Variants in ADCY3 observed in about 807,000 individuals in gnomAD.
The protein encoded by ADCY3 is adenylate cyclase type 3.
In ADCY3, 70 loss-of-function variants were observed where a neutral mutation model predicts 119.4. That is an observed-to-expected ratio of 0.59 (90% CI 0.48 to 0.72). The LOEUF (loss-of-function observed/expected upper bound fraction) is 0.72. Among genes scored for constraint, ADCY3 ranks in the 30% least tolerant of loss-of-function variants. The pLI, the probability that ADCY3 is intolerant of heterozygous loss-of-function variation, is 0.00. For synonymous variants in ADCY3, 672 were observed against 621.4 expected (o/e 1.08, Z -1.21); for missense variants, 1,238 against 1,541.6 (o/e 0.80, Z 3.30).
Position 24,830,747 on chromosome 2 carries a change from C to T in ADCY3, c.2134G>A (p.Ala712Thr), listed in dbSNP as rs1285631837. The change falls in exon 13 of 22, where the codon GCC becomes ACC. Residue 712 changes from alanine (A) to threonine (T), a missense_variant. Around this residue, in one of 7 missense-constraint regions of ADCY3, gnomAD observed 499 missense variants for 571.0 expected, o/e 0.87. Coordinates refer to ENST00000679454, the MANE Select transcript of ADCY3 (RefSeq NM_004036.5). ...TTTGCCATCACCAGGATGAAGATGG[C>T]GAGCATGGCCCAGGTGTTCCTGGCC... ...RWARNTWAML[A>T]IFILVMANVV... 10 of 1,613,916 alleles carry T rather than the reference C, an allele frequency of 6.2e-6. No homozygotes were observed. The highest frequency in any genetic ancestry group is 2.2e-5 in the East Asian group (1 of 44,894).
At chr2:24,912,296 C>T (rs1203577246) in intron 2 of ADCY3, among the ~76,000 whole-genome samples, 1 of 142,162 alleles carries the variant, frequency 7.0e-6, no homozygotes, top group African/African-American at 2.6e-5. Context: ...AACTCTGTCT[C>T]TATTTGAAAA....
intron 21 of ADCY3, chr2:24,820,447 C>T (rs938640671): frequency 2.7e-5 from 35 of 1,315,156 alleles, no homozygotes; most frequent in Admixed American, 1.8e-4. Context: ...TTCTGCCAGA[C>T]GCCACTGAGA....
At chr2:24,893,062 C>T (rs1456932650) in intron 2 of ADCY3, among the ~76,000 whole-genome samples, 1 of 144,976 alleles carries the variant, frequency 6.9e-6, no homozygotes, top group Non-Finnish European at 1.5e-5. Context: ...GAGACTGGGC[C>T]TTGCTCTGTC....
intron 7 of ADCY3, among the ~76,000 whole-genome samples, chr2:24,839,545 A>G (rs2033651): frequency 1 from 152,304 of 152,334 alleles, 76,137 homozygotes; most frequent in Middle Eastern, 1. Context: ...CTGGGCTCTG[A>G]CATAAGGAGA....
chr2:24,820,469 G>C, intron 21 of ADCY3: 1 of 1,382,130 alleles, frequency 7.2e-7, no homozygotes, highest in Non-Finnish European at 9.3e-7. Context: ...AGATCACAAG[G>C]TATTAGAAGG....
At position 24,918,330 on chromosome 2, in the gene ADCY3, T is replaced by A. The variant is rs770709197; in HGVS notation, c.658A>T (p.Met220Leu). ...GGACTCACCTCCCGCAGCAGCTGCA[T>A]CCCCTTGAGCTCCTCCTGCTGCTGC... ...AQQQQEELKG[M>L]QLLREILANV... The change falls in exon 2 of 22, where the codon ATG becomes TTG. Residue 220 changes from methionine (M) to leucine (L), a missense_variant. Met to Leu is a conservative substitution (Grantham distance 15). Transcript: ENST00000679454. The surrounding 1 kb of genome is among the most constrained non-coding windows in gnomAD (Gnocchi z 5.4). 7.6e-6 allele frequency: 12 copies of A among 1,573,706 alleles called. No individual in the cohort carries two copies. The highest frequency in any genetic ancestry group is 1.2e-5 in the South Asian group (1 of 85,824).
intron 2 of ADCY3, among the ~76,000 whole-genome samples, chr2:24,905,361 CCT>C (rs945102543): frequency 6.6e-6 from 1 of 152,090 alleles, no homozygotes; most frequent in African/African-American, 2.4e-5. Flanking sequence ...GTCTTGATCC[CCT>C]GACCTCATGA....
Position 24,912,506 on chromosome 2 carries a change from G to T in ADCY3, c.675+5807C>A, listed in dbSNP as rs536804542. On this transcript the variant is annotated intron_variant, in intron 2 of 21. Coordinates refer to ENST00000679454, the MANE Select transcript of ADCY3 (RefSeq NM_004036.5). ...TCCCAGCCATTCCATCTGACGGAGG[G>T]TTTACCCAGAAGGCTGGGCAGACCA... is the stretch of plus-strand genomic sequence containing the variant. 4.6e-5 allele frequency among the ~76,000 whole-genome samples: 7 copies of T among 152,042 alleles called. No homozygotes were observed. The South Asian group carries it at 1.5e-3, about 32-fold the overall frequency.
At chr2:24,889,792 C>T (rs1046639887) in intron 2 of ADCY3, among the ~76,000 whole-genome samples, 7 of 152,210 alleles carry the variant, frequency 4.6e-5, no homozygotes, top group South Asian at 2.1e-4. Flanking sequence ...GCCAAGGTCG[C>T]GCCATTGCAC....
At chr2:24,854,819 G>A (rs886142803) in intron 3 of ADCY3, among the ~76,000 whole-genome samples, 1 of 152,108 alleles carries the variant, frequency 6.6e-6, no homozygotes, top group African/African-American at 2.4e-5. Context: ...GGAGGCTGAG[G>A]TGGGCGGATC....
intron 3 of ADCY3, among the ~76,000 whole-genome samples, chr2:24,864,877 G>T (rs983746498): frequency 6.6e-6 from 1 of 152,166 alleles, no homozygotes; most frequent in Non-Finnish European, 1.5e-5. Context: ...ATATTTTACA[G>T]TAGCTATATA....
intron 2 of ADCY3, among the ~76,000 whole-genome samples, chr2:24,880,351 G>C (rs981258183): frequency 2.0e-5 from 3 of 152,144 alleles, no homozygotes; most frequent in African/African-American, 7.2e-5. Context: ...GAACATGGCG[G>C]CCTTGGCCCC....
At chr2:24,866,354 C>T (rs150060085) in intron 3 of ADCY3, among the ~76,000 whole-genome samples, 4 of 152,150 alleles carry the variant, frequency 2.6e-5, no homozygotes, top group East Asian at 1.9e-4. Context: ...GGGAGGATTG[C>T]TTGAGGCCAG....
At chr2:24,830,388 G>A (rs1489582359) in intron 13 of ADCY3, among the ~76,000 whole-genome samples, 1 of 152,160 alleles carries the variant, frequency 6.6e-6, no homozygotes, top group Non-Finnish European at 1.5e-5. Context: ...GCAGATACTG[G>A]TACAACTGCT....
chr2:24,858,893 A>G (rs1056523682), intron 3 of ADCY3, among the ~76,000 whole-genome samples: 1 of 152,234 alleles, frequency 6.6e-6, no homozygotes, highest in Non-Finnish European at 1.5e-5. Flanking sequence ...CCACTGCTTT[A>G]GGACAACCTG....
At chr2:24,849,687 C>T (rs569868336) in intron 3 of ADCY3, among the ~76,000 whole-genome samples, 66 of 152,266 alleles carry the variant, frequency 4.3e-4, no homozygotes, top group Admixed American at 1.0e-3. Context: ...GGTAACAAGA[C>T]GAGTTTTAAA....
intron 3 of ADCY3, among the ~76,000 whole-genome samples, chr2:24,858,214 T>TG (rs1673239368): frequency 1.3e-5 from 2 of 149,904 alleles, no homozygotes; most frequent in Non-Finnish European, 2.9e-5. Context: ...TGTCTGGTGT[T>TG]GGACTCCTGG....
chr2:24,825,449 C>T (rs1260598619), intron 16 of ADCY3, among the ~76,000 whole-genome samples: 1 of 151,516 alleles, frequency 6.6e-6, no homozygotes, highest in African/African-American at 2.4e-5. Context: ...ATCCTCCTGC[C>T]TCAGCCTCTC....
chr2:24,820,523 A>G (rs1181906190), intron 21 of ADCY3: 5 of 1,409,920 alleles, frequency 3.5e-6, no homozygotes, highest in African/African-American at 2.9e-5. Flanking sequence ...ACTTCAGCCC[A>G]GATTTTGTGG....
Sources: gnomAD v4.1 joint callset for allele counts (sites outside exome capture counted in the v4.1 genomes callset) on GRCh38, gnomAD v4.1.1 for gene constraint, gnomAD v4.1.1 regional missense constraint, Gnocchi (gnomAD v3.1) non-coding constraint, MANE v1.5 for transcripts, NCBI Gene and HGNC (gene_info 2026-07-23, HGNC 2026-07-21) for gene names.